The following DLC1 variants were observed in gnomAD, a reference collection of about 807,000 sequenced individuals.
The protein encoded by DLC1 is DLC1 Rho GTPase activating protein.
DLC1 carries 54 observed loss-of-function variants against 140.3 expected under a neutral mutation model. The ratio of observed to expected loss-of-function variants is 0.38; its 90% CI spans 0.31 to 0.48. The LOEUF (loss-of-function observed/expected upper bound fraction) is 0.48. Ranked by LOEUF, DLC1 falls within the 20% of genes least tolerant of loss-of-function variation. DLC1 has a pLI of 0.96. For missense variants in DLC1, 2,536 were observed against 1,907.0 expected, an observed-to-expected ratio of 1.33 and a Z score of -6.14; for synonymous variants, 986 against 728.1, an observed-to-expected ratio of 1.35 and a Z score of -5.70.
intron 2 of DLC1, among the ~76,000 whole-genome samples, chr8:13,477,698 C>G (rs978952734): frequency 6.6e-6 from 1 of 152,100 alleles, no homozygotes; most frequent in Non-Finnish European, 1.5e-5. Flanking sequence ...ATCACTTCTA[C>G]ATGCTGAGAT....
Position 13,085,576 on chromosome 8 carries a change from A to ATTTTT in DLC1, c.*230_*234dup. On this transcript the variant is annotated 3_prime_UTR_variant, in exon 18 of 18. Coordinates refer to ENST00000276297, the MANE Select transcript of DLC1 (RefSeq NM_182643.3). ...GCAATTTGAATAAGAATACACATAA[A>ATTTTT]TTTTTTTTTTTTTTTTGCACAGTCT... The ATTTTT allele has an allele frequency of 3.2e-6, 1 of 315,710 alleles. No homozygotes were observed. The highest frequency in any genetic ancestry group is 5.5e-6 in the Non-Finnish European group (1 of 182,248). The allele number at this position is 315,710 out of a possible 1,614,324, so 19.6% of individuals were successfully genotyped here. A position where few individuals can be genotyped will look rare whatever the true frequency, so the allele number is the denominator to read the frequency against.
intron 4 of DLC1, among the ~76,000 whole-genome samples, chr8:13,312,090 G>C (rs528505587): frequency 7.7e-6 from 1 of 130,410 alleles, no homozygotes; most frequent in African/African-American, 3.0e-5. Flanking sequence ...GGCCGGGCGC[G>C]GTGGCTCACG....
At chr8:13,411,092 A>C (rs562394065) in intron 2 of DLC1, among the ~76,000 whole-genome samples, 6 of 152,224 alleles carry the variant, frequency 3.9e-5, no homozygotes, top group Admixed American at 3.9e-4. Context: ...TTGAAAATGT[A>C]TGTCCCCATA....
At chr8:13,324,718 T>TAAGTATA (rs1563254018) in intron 4 of DLC1, among the ~76,000 whole-genome samples, 1 of 152,212 alleles carries the variant, frequency 6.6e-6, no homozygotes, top group Admixed American at 6.5e-5. Context: ...AATATAAAAT[T>TAAGTATA]TAAGTTACTT....
chr8:13,151,302 A>G (rs1229377413), intron 5 of DLC1, among the ~76,000 whole-genome samples: 1 of 152,240 alleles, frequency 6.6e-6, no homozygotes, highest in African/African-American at 2.4e-5. Flanking sequence ...ATACACATTC[A>G]GTACTATGTA....
intron 5 of DLC1, chr8:13,304,979 T>C: frequency 9.4e-7 from 1 of 1,061,676 alleles, no homozygotes; most frequent in Non-Finnish European, 1.1e-6. Flanking sequence ...CCCCAGAACC[T>C]TGATCAACAT....
intron 2 of DLC1, among the ~76,000 whole-genome samples, chr8:13,422,685 C>G (rs1838372907): frequency 1.3e-5 from 2 of 151,572 alleles, no homozygotes; most frequent in Admixed American, 6.6e-5. Flanking sequence ...TTTATTTTTT[C>G]TTTCTATATC....
chr8:13,395,446 C>G (rs1836996782), intron 3 of DLC1, among the ~76,000 whole-genome samples: 1 of 152,082 alleles, frequency 6.6e-6, no homozygotes, highest in African/African-American at 2.4e-5. Flanking sequence ...CTGTCTTCCT[C>G]TATTAGAATC....
intron 2 of DLC1, among the ~76,000 whole-genome samples, chr8:13,459,838 C>G (rs773971800): frequency 6.6e-6 from 1 of 152,164 alleles, no homozygotes; most frequent in Non-Finnish European, 1.5e-5. Context: ...ACATAACACA[C>G]GCTATAAAAA....
intron 2 of DLC1, 31 bp from the exon 3 acceptor site, chr8:13,401,650 T>C: frequency 6.3e-7 from 1 of 1,596,668 alleles, no homozygotes; most frequent in Non-Finnish European, 8.5e-7. Flanking sequence ...TTACTGAATC[T>C]GAAAGGCCAT....
chr8:13,347,192 T>C (rs1284611546), intron 4 of DLC1, among the ~76,000 whole-genome samples: 1 of 152,244 alleles, frequency 6.6e-6, no homozygotes, highest in Non-Finnish European at 1.5e-5. Context: ...TAATGTATAC[T>C]GTTTTGGGTA....
chr8:13,435,036 A>AATTTCTTTG (rs1839055808), intron 2 of DLC1, among the ~76,000 whole-genome samples: 1 of 152,172 alleles, frequency 6.6e-6, no homozygotes, highest in Non-Finnish European at 1.5e-5. Flanking sequence ...CCATGGATAG[A>AATTTCTTTG]ATTTCTTTGA....
chr8:13,169,513 T>C (rs184682947), intron 5 of DLC1, among the ~76,000 whole-genome samples: 9 of 152,348 alleles, frequency 5.9e-5, no homozygotes, highest in Non-Finnish European at 1.0e-4. Flanking sequence ...CAGCTTTTTT[T>C]CCTAATAAAA....
At chr8:13,441,620 G>A (rs1488050213) in intron 2 of DLC1, among the ~76,000 whole-genome samples, 1 of 152,076 alleles carries the variant, frequency 6.6e-6, no homozygotes, top group African/African-American at 2.4e-5. Flanking sequence ...TTGCTTCAAA[G>A]GGAATAAAAT....
At chr8:13,397,583 C>G (rs377521712) in intron 3 of DLC1, among the ~76,000 whole-genome samples, 3 of 151,982 alleles carry the variant, frequency 2.0e-5, no homozygotes, top group East Asian at 3.9e-4. Context: ...CATCTCAATA[C>G]ATTGGGAGGC....
At chr8:13,111,067 A>C (rs572513120) in intron 6 of DLC1, among the ~76,000 whole-genome samples, 2 of 152,254 alleles carry the variant, frequency 1.3e-5, no homozygotes, top group Admixed American at 6.5e-5. Flanking sequence ...GGTCAAGGAG[A>C]AGTGGTTCAG....
At chr8:13,123,277 C>G (rs895396124) in intron 5 of DLC1, among the ~76,000 whole-genome samples, 3 of 152,110 alleles carry the variant, frequency 2.0e-5, no homozygotes, top group Non-Finnish European at 4.4e-5. Context: ...CTGCCTCTGA[C>G]TGATCCAGCC....
At chr8:13,577,319 C>T (rs1244640799) in intron 1 of DLC1, among the ~76,000 whole-genome samples, 1 of 152,160 alleles carries the variant, frequency 6.6e-6, no homozygotes, top group Non-Finnish European at 1.5e-5. Flanking sequence ...ACAAGGACTC[C>T]ATCTAATTAC....
chr8:13,439,168 A>G lies in DLC1; in HGVS notation c.1024-37549T>C, dbSNP rs146740747. Among the ~76,000 whole-genome samples, 288 of 152,312 alleles carry G rather than the reference A, an allele frequency of 1.9e-3. 1 individual carries two copies. The highest frequency in any genetic ancestry group is 4.9e-3 in the African/African-American group (204 of 41,574). ...GGTGAATTCCGTCTCTACTAAAAAT[A>G]CAAAAATTAGTTGGGCGTGGTGGTG... On this transcript the variant is annotated intron_variant, in intron 2 of 17. Coordinates refer to ENST00000276297, the MANE Select transcript of DLC1 (RefSeq NM_182643.3).
Sources: gnomAD v4.1 joint callset for allele counts (sites outside exome capture counted in the v4.1 genomes callset) on GRCh38, gnomAD v4.1.1 for gene constraint, MANE v1.5 for transcripts, NCBI Gene and HGNC (gene_info 2026-07-23, HGNC 2026-07-21) for gene names.